UNC13C: variants seen among roughly 807,000 people sequenced by gnomAD.
UNC13C encodes protein unc-13 homolog C.
In UNC13C, 174 loss-of-function variants were observed where a neutral mutation model predicts 245.4. The ratio of observed to expected loss-of-function variants is 0.71; its 90% confidence interval spans 0.63 to 0.80. The LOEUF is 0.80. Ranked by LOEUF, UNC13C falls within the 30% of genes least tolerant of loss-of-function variation. The pLI, the probability that UNC13C is intolerant of heterozygous loss-of-function variation, is 0.00. For missense variants in UNC13C, 2,829 were observed against 2,602.9 expected (o/e 1.09, Z -1.89); for synonymous variants, 992 against 895.1 (o/e 1.11, Z -1.93).
At chr15:54,187,728 C>CT (rs2034042105) in intron 4 of UNC13C, among the ~76,000 whole-genome samples, 1 of 152,076 alleles carries the variant, frequency 6.6e-6, no homozygotes, top group African/African-American at 2.4e-5. Flanking sequence ...GTATTTATAC[C>CT]TTTTAATACT....
Position 54,013,477 on chromosome 15 carries a change from G to A in UNC13C, c.574G>A (p.Glu192Lys). The A allele has an allele frequency of 1.9e-6, 3 of 1,613,874 alleles. No individual in the cohort carries two copies. Among genetic ancestry groups the A allele is most frequent in the Middle Eastern group, 1.7e-4 (1 of 6,060 alleles). Residue 192 changes from glutamate (E) to lysine (K), a missense_variant, in exon 2 of 33, where the codon GAA becomes AAA. By Grantham distance (56) the Glu-to-Lys change is moderately conservative. Transcript: ENST00000260323. Reference protein sequence around the residue: ...RKLRKWKKSQECVSSDSELST... With the variant: ...RKLRKWKKSQKCVSSDSELST... ...ACTGAGAAAATGGAAAAAGAGTCAA[G>A]AATGTGTCTCCTCAGACTCAGAGTT...
chr15:54,501,750 G>T (rs957613461), intron 22 of UNC13C, among the ~76,000 whole-genome samples: 3 of 152,134 alleles, frequency 2.0e-5, no homozygotes, highest in African/African-American at 7.2e-5. Context: ...ATAGACAGAG[G>T]CTTCATGACA....
At chr15:54,333,705 T>C (rs949593394) in intron 15 of UNC13C, 62 bp from the exon 16 acceptor site, 1 of 1,089,716 alleles carries the variant, frequency 9.2e-7, no homozygotes, top group African/African-American at 1.6e-5. Flanking sequence ...TAGTTTTAGT[T>C]TATTTTCCCA....
chr15:54,283,442 A>G (rs2037054069), intron 10 of UNC13C, among the ~76,000 whole-genome samples: 1 of 152,118 alleles, frequency 6.6e-6, no homozygotes, highest in Non-Finnish European at 1.5e-5. Flanking sequence ...CCACATTGTA[A>G]AAGATATTGC....
At chr15:54,587,359 TCA>T (rs1898548263) in intron 30 of UNC13C, among the ~76,000 whole-genome samples, 1 of 152,332 alleles carries the variant, frequency 6.6e-6, no homozygotes, top group South Asian at 2.1e-4. Context: ...TCATATGTGC[TCA>T]GAGTCTATTG....
intron 2 of UNC13C, among the ~76,000 whole-genome samples, chr15:54,063,197 A>G (rs1401269425): frequency 2.6e-5 from 4 of 152,228 alleles, no homozygotes; most frequent in Non-Finnish European, 4.4e-5. Flanking sequence ...ATGTGGGAAG[A>G]TGATTAGTCA....
intron 7 of UNC13C, among the ~76,000 whole-genome samples, chr15:54,246,707 C>T (rs1387551354): frequency 1.4e-5 from 2 of 145,372 alleles, no homozygotes; most frequent in African/African-American, 5.1e-5. Flanking sequence ...CTGATGAGAA[C>T]ACATGGACAC....
intron 17 of UNC13C, among the ~76,000 whole-genome samples, chr15:54,361,745 T>C (rs7342613): frequency 0.47 from 71,438 of 152,006 alleles, 17,155 homozygotes; most frequent in East Asian, 0.73. Flanking sequence ...ACTGCTACCC[T>C]ACCTCTCTTT....
Position 54,169,534 on chromosome 15 carries a change from G to C in UNC13C, c.3071+25850G>C, listed in dbSNP as rs974503013. Reference sequence around the variant, plus strand: ...TAATGGCACCTTATGACACTTCTTAGAATTGAAATTCAATGTATTTAACAT... The same window carrying C: ...TAATGGCACCTTATGACACTTCTTACAATTGAAATTCAATGTATTTAACAT... On this transcript the variant is annotated intron_variant, in intron 4 of 32. Transcript: ENST00000260323. Among the ~76,000 whole-genome samples, 11 of 152,234 alleles carry C rather than the reference G, an allele frequency of 7.2e-5. 1 individual carries two copies. Among genetic ancestry groups the C allele is most frequent in the South Asian group, 4.1e-4 (2 of 4,824 alleles).
At chr15:54,197,028 G>A (rs2034374549) in intron 4 of UNC13C, among the ~76,000 whole-genome samples, 1 of 151,964 alleles carries the variant, frequency 6.6e-6, no homozygotes. Flanking sequence ...TGTACGTTGT[G>A]CCCATGTACC....
chr15:54,427,459 G>T (rs141968745), intron 19 of UNC13C, among the ~76,000 whole-genome samples: 7 of 151,738 alleles, frequency 4.6e-5, no homozygotes, highest in Non-Finnish European at 1.0e-4. Flanking sequence ...TTTCTTCCCA[G>T]TCTCAGGTAT....
chr15:54,048,194 A>G (rs1196911747), intron 2 of UNC13C, among the ~76,000 whole-genome samples: 2 of 152,078 alleles, frequency 1.3e-5, no homozygotes, highest in South Asian at 4.2e-4. Flanking sequence ...TTAGACCCAT[A>G]CTCTTACTGG....
chr15:54,105,644 A>T (rs1900406503), intron 2 of UNC13C, among the ~76,000 whole-genome samples: 2 of 53,892 alleles, frequency 3.7e-5, no homozygotes, highest in African/African-American at 8.2e-5. Flanking sequence ...TGAAAAAAAC[A>T]TTTCTACTAC....
intron 30 of UNC13C, among the ~76,000 whole-genome samples, chr15:54,587,598 T>C (rs1232066302): frequency 6.6e-6 from 1 of 152,182 alleles, no homozygotes; most frequent in Non-Finnish European, 1.5e-5. Context: ...TTCTAATGTA[T>C]GGTCATTCTG....
chr15:54,342,138 C>T lies in UNC13C; in HGVS notation c.4713+3649C>T, dbSNP rs556322815. ...GTTTTATGTTCTGTGAATTGCCTGT[C>T]AATCTTTTGTGTGTGTTTCTCTTGG... On this transcript the variant is annotated intron_variant, in intron 17 of 32. Transcript: ENST00000260323. Among the ~76,000 whole-genome samples, 153 of 152,086 alleles carry T rather than the reference C, an allele frequency of 1.0e-3. 2 individuals are homozygous for T. The highest frequency in any genetic ancestry group is 5.7e-3 in the Admixed American group (87 of 15,260).
At chr15:54,302,574 C>T (rs2037615237) in intron 13 of UNC13C, among the ~76,000 whole-genome samples, 1 of 152,106 alleles carries the variant, frequency 6.6e-6, no homozygotes, top group Non-Finnish European at 1.5e-5. Flanking sequence ...TTGTTTGTGT[C>T]AGGTTTGTCA....
the UNC13C span, among the ~76,000 whole-genome samples, chr15:53,940,721 C>T: frequency 1.3e-5 from 2 of 151,984 alleles, no homozygotes; most frequent in Non-Finnish European, 2.9e-5. Flanking sequence ...TTCGCAATTG[C>T]CACAAAGATG....
At chr15:54,462,595 TG>T (rs1423616450) in intron 19 of UNC13C, among the ~76,000 whole-genome samples, 2 of 152,206 alleles carry the variant, frequency 1.3e-5, no homozygotes, top group African/African-American at 4.8e-5. Flanking sequence ...GCTTAGCACC[TG>T]GGCCAGCAGC....
At chr15:54,514,074 C>T (rs993848230) in intron 24 of UNC13C, among the ~76,000 whole-genome samples, 1 of 152,244 alleles carries the variant, frequency 6.6e-6, no homozygotes, top group East Asian at 1.9e-4. Context: ...TTTCTGATTA[C>T]TCTGGGGTCT....
Sources: allele counts gnomAD v4.1 joint callset (sites outside exome capture counted in the v4.1 genomes callset), GRCh38; gene constraint gnomAD v4.1.1; transcripts MANE v1.5; gene names NCBI Gene and HGNC (gene_info 2026-07-23, HGNC 2026-07-21).